The following PDE8B variants were observed in gnomAD, a reference collection of about 807,000 sequenced individuals.
The protein encoded by PDE8B is phosphodiesterase 8B.
A neutral mutation model predicts 101.3 loss-of-function variants in PDE8B; 26 were observed. The observed-to-expected ratio is 0.26, with a 90% CI of 0.19 to 0.36. The LOEUF (loss-of-function observed/expected upper bound fraction) is 0.36. Among genes scored for constraint, PDE8B ranks in the 10% least tolerant of loss-of-function variants. The probability of loss-of-function intolerance (pLI) is 1.00; values close to 1 mark genes in which losing one functional copy is unlikely to be tolerated. For missense variants in PDE8B, 810 were observed against 1,163.1 expected (o/e 0.70, Z 4.42); for synonymous variants, 424 against 429.3 (o/e 0.99, Z 0.15).
chr5:77,277,487 A>G (rs898580009), intron 1 of PDE8B, among the ~76,000 whole-genome samples: 6 of 152,224 alleles, frequency 3.9e-5, no homozygotes, highest in Admixed American at 6.5e-5. Context: ...GCAAAATATC[A>G]TAGGCTTATT....
At chr5:77,322,151 G>A (rs1775212650) in intron 2 of PDE8B, among the ~76,000 whole-genome samples, 1 of 152,114 alleles carries the variant, frequency 6.6e-6, no homozygotes, top group South Asian at 2.1e-4. Context: ...CTGGTACCTG[G>A]CCCTAGGGTG....
chr5:77,166,762 T>G, the PDE8B span: 1 of 152,194 alleles, frequency 6.6e-6, no homozygotes, highest in Non-Finnish European at 1.5e-5. Context: ...AGGCACCCTA[T>G]GAAACACCTT....
chr5:77,125,331 A>G, the PDE8B span, among the ~76,000 whole-genome samples: 1 of 152,230 alleles, frequency 6.6e-6, no homozygotes, highest in Non-Finnish European at 1.5e-5. Flanking sequence ...GCAAGAATGT[A>G]GAGAAATTGG....
In PDE8B at chr5:77,411,659, C is replaced by T. The variant is rs770942529; in HGVS notation, c.1531-17C>T. 1.0e-5 allele frequency: 16 copies of T among 1,598,792 alleles called. No homozygotes were observed. Among genetic ancestry groups the T allele is most frequent in the African/African-American group, 1.3e-5 (1 of 74,560 alleles). On this transcript the variant is annotated splice_polypyrimidine_tract_variant and intron_variant, in intron 14 of 21. Coordinates refer to ENST00000264917, the MANE Select transcript of PDE8B (RefSeq NM_003719.5). ...AGATATAAAGCATGCTTCTAACAGG[C>T]TCTTCCTTTATTCCAGGACGGCTTG...
intron 10 of PDE8B, among the ~76,000 whole-genome samples, chr5:77,360,873 G>T (rs1054847793): frequency 1.3e-5 from 2 of 152,114 alleles, no homozygotes; most frequent in Admixed American, 1.3e-4. Context: ...ATCCTACAGA[G>T]CCTCATGACC....
chr5:77,325,966 C>A (rs899237337), intron 3 of PDE8B, among the ~76,000 whole-genome samples: 1 of 152,054 alleles, frequency 6.6e-6, no homozygotes, highest in Non-Finnish European at 1.5e-5. Flanking sequence ...CTGGGCTCCC[C>A]TGATAACTTC....
chr5:77,302,332 G>A (rs1770151119), intron 1 of PDE8B, among the ~76,000 whole-genome samples: 1 of 152,214 alleles, frequency 6.6e-6, no homozygotes, highest in Admixed American at 6.5e-5. Flanking sequence ...GAGTCTAGTA[G>A]TAGCACTTCT....
intron 14 of PDE8B, 38 bp downstream of exon 14, chr5:77,409,095 A>T: frequency 6.3e-7 from 1 of 1,581,000 alleles, no homozygotes; most frequent in East Asian, 2.2e-5. Flanking sequence ...CAAGAGAGGT[A>T]TCCGGGGCCT....
chr5:77,412,513 C>T (rs1189512096), intron 16 of PDE8B, among the ~76,000 whole-genome samples: 4 of 151,520 alleles, frequency 2.6e-5, no homozygotes, highest in East Asian at 1.9e-4. Flanking sequence ...TCAAACTTGT[C>T]GAAGCTCTAC....
chr5:77,116,224 A>ATATATTTTTTT, the PDE8B span, among the ~76,000 whole-genome samples: 1 of 59,610 alleles, frequency 1.7e-5, no homozygotes, highest in African/African-American at 7.2e-5. Flanking sequence ...ATATATATAT[A>ATATATTTTTTT]TTTTTTTTTT....
At chr5:77,345,005 G>A (rs1581158315) in intron 7 of PDE8B, 74 bp downstream of exon 7, 2 of 956,404 alleles carry the variant, frequency 2.1e-6, no homozygotes, top group Non-Finnish European at 3.4e-6. Context: ...TTTTTATCAA[G>A]TACTTTCCCA....
rs189412327 is a variant in PDE8B at position 77,227,317 on chromosome 5, A to G, written c.339+16053A>G. Among the ~76,000 whole-genome samples the G allele has an allele frequency of 8.5e-5, 13 of 152,308 alleles. 1 individual carries two copies. Among genetic ancestry groups the G allele is most frequent in the Admixed American group, 5.2e-4 (8 of 15,294 alleles). On this transcript the variant is annotated intron_variant, in intron 1 of 21. Transcript: ENST00000264917. Reference sequence around the variant, plus strand: ...TGACCTTGTTTTTTTCCTTATATAAATGTATCAACTTTATCAACTAGCAAT... The same window carrying G: ...TGACCTTGTTTTTTTCCTTATATAAGTGTATCAACTTTATCAACTAGCAAT...
the PDE8B span, among the ~76,000 whole-genome samples, chr5:77,108,545 T>C: frequency 6.6e-6 from 1 of 152,146 alleles, no homozygotes; most frequent in African/African-American, 2.4e-5. Context: ...TAGCCGGGCA[T>C]GGTGGCGCAC....
chr5:77,238,928 A>C (rs879422968), intron 1 of PDE8B, among the ~76,000 whole-genome samples: 3 of 152,208 alleles, frequency 2.0e-5, no homozygotes, highest in Non-Finnish European at 4.4e-5. Context: ...ATGTCCACCC[A>C]CTTGGTGAAG....
At chr5:77,189,019 C>T in the PDE8B span, among the ~76,000 whole-genome samples, 1 of 152,154 alleles carries the variant, frequency 6.6e-6, no homozygotes, top group Non-Finnish European at 1.5e-5. Context: ...TCTTTCTCCC[C>T]TAAGCCCTTC....
In PDE8B at chr5:77,349,868, G is replaced by A. The variant is rs573195187; in HGVS notation, c.1017+309G>A. On this transcript the variant is annotated intron_variant, in intron 8 of 21. Coordinates refer to ENST00000264917, the MANE Select transcript of PDE8B (RefSeq NM_003719.5). Reference sequence around the variant, plus strand: ...TGAGCAGAGTTCCACCCAGAGAGCTGTTGTGTTTTTTCAGTTTATCCAGTG... The same window carrying A: ...TGAGCAGAGTTCCACCCAGAGAGCTATTGTGTTTTTTCAGTTTATCCAGTG... Among the ~76,000 whole-genome samples, 17 of 152,298 alleles carry A rather than the reference G, an allele frequency of 1.1e-4. 1 individual carries two copies. The South Asian group carries it at 3.5e-3, about 32-fold the overall frequency.
chr5:77,427,801 TTA>T lies in PDE8B; in HGVS notation c.*1250_*1251del, dbSNP rs1798415014. On this transcript the variant is annotated 3_prime_UTR_variant, in exon 22 of 22. Transcript: ENST00000264917. ...TTTACCAGCTGATCCTTCCTATGTATTATAAATATTAGACTCCGTAAACAAAC... is the reference window on the plus strand; with the variant it reads ...TTTACCAGCTGATCCTTCCTATGTATTAAATATTAGACTCCGTAAACAAAC... 1 of 152,234 alleles carries T rather than the reference TTA, an allele frequency of 6.6e-6. No homozygotes were observed. 9.4% of individuals were successfully genotyped at this position (152,234 alleles called of 1,614,324 possible). A position where few individuals can be genotyped will look rare whatever the true frequency, so the allele number is the denominator to read the frequency against.
the PDE8B span, among the ~76,000 whole-genome samples, chr5:77,109,814 C>G: frequency 6.6e-6 from 1 of 151,492 alleles, no homozygotes; most frequent in Non-Finnish European, 1.5e-5. Flanking sequence ...ATTCTGAAGT[C>G]TGAGCACCAT....
At chr5:77,406,996 C>G (rs538617883) in intron 12 of PDE8B, among the ~76,000 whole-genome samples, 1 of 152,154 alleles carries the variant, frequency 6.6e-6, no homozygotes, top group South Asian at 2.1e-4. Flanking sequence ...TCTGGTTACA[C>G]GGCCAGCAGC....
Sources: allele counts gnomAD v4.1 joint callset (sites outside exome capture counted in the v4.1 genomes callset), GRCh38; gene constraint gnomAD v4.1.1; transcripts MANE v1.5; gene names NCBI Gene and HGNC (gene_info 2026-07-23, HGNC 2026-07-21).